Variants in TENM4 observed in about 807,000 individuals in gnomAD.
TENM4 encodes teneurin transmembrane protein 4.
TENM4 carries 82 observed loss-of-function variants against 243.3 expected under a neutral mutation model. The observed-to-expected ratio is 0.34, with a 90% CI of 0.28 to 0.40. The LOEUF (loss-of-function observed/expected upper bound fraction) is 0.40. Among genes scored for constraint, TENM4 ranks in the 10% least tolerant of loss-of-function variants. The probability of loss-of-function intolerance (pLI) is 1.00; values close to 1 mark genes in which losing one functional copy is unlikely to be tolerated. For synonymous variants in TENM4, 1,412 were observed against 1,456.3 expected (o/e 0.97, Z 0.69); for missense variants, 3,138 against 3,673.3 (o/e 0.85, Z 3.77).
chr11:78,980,989 G>T (rs1019793935), intron 6 of TENM4, among the ~76,000 whole-genome samples: 4 of 152,160 alleles, frequency 2.6e-5, no homozygotes, highest in African/African-American at 9.7e-5. Flanking sequence ...GTAGAAGCTG[G>T]ATTGGAACCT....
At chr11:79,240,151 G>A (rs1864562739) in intron 2 of TENM4, among the ~76,000 whole-genome samples, 2 of 152,034 alleles carry the variant, frequency 1.3e-5, no homozygotes, top group Non-Finnish European at 2.9e-5. Flanking sequence ...TAGTTTCCTT[G>A]TCCCTCAGGA....
chr11:79,379,218 G>A (rs1032088441), intron 1 of TENM4, among the ~76,000 whole-genome samples: 2 of 152,226 alleles, frequency 1.3e-5, no homozygotes, highest in Non-Finnish European at 2.9e-5. Flanking sequence ...AGAGGTCAGA[G>A]TGCCTGGAGC....
chr11:78,696,695 T>C (rs139608256), intron 28 of TENM4, among the ~76,000 whole-genome samples: 9 of 152,328 alleles, frequency 5.9e-5, no homozygotes, highest in African/African-American at 2.2e-4. Flanking sequence ...AGTTCAGCCC[T>C]TGGGTCCTCC....
chr11:79,054,508 T>TC (rs1859890070), intron 6 of TENM4, among the ~76,000 whole-genome samples: 1 of 152,064 alleles, frequency 6.6e-6, no homozygotes, highest in African/African-American at 2.4e-5. Flanking sequence ...CCATCTTTTT[T>TC]TTTTTTTTGA....
intron 21 of TENM4, among the ~76,000 whole-genome samples, chr11:78,730,208 T>C (rs1356608993): frequency 3.3e-5 from 5 of 152,202 alleles, no homozygotes; most frequent in Non-Finnish European, 4.4e-5. Flanking sequence ...GCAGTGCTGC[T>C]GCTGCTGGTG....
intron 6 of TENM4, among the ~76,000 whole-genome samples, chr11:78,963,611 C>T (rs375003026): frequency 2.6e-5 from 4 of 152,070 alleles, no homozygotes; most frequent in African/African-American, 9.7e-5. Context: ...GGGGAGGTGG[C>T]ACAGAGAGCG....
chr11:79,175,663 G>C (rs772425828), intron 3 of TENM4, among the ~76,000 whole-genome samples: 3 of 152,000 alleles, frequency 2.0e-5, no homozygotes, highest in Non-Finnish European at 4.4e-5. Context: ...AGAGCTCAAC[G>C]GTATTTATTT....
chr11:79,384,161 T>G (rs1858061921), intron 1 of TENM4, among the ~76,000 whole-genome samples: 1 of 152,202 alleles, frequency 6.6e-6, no homozygotes, highest in African/African-American at 2.4e-5. Flanking sequence ...ACCCAGCTTG[T>G]GGAGGAATGA....
intron 1 of TENM4, among the ~76,000 whole-genome samples, chr11:79,331,976 A>G (rs555025442): frequency 5.3e-5 from 8 of 152,372 alleles, no homozygotes; most frequent in African/African-American, 1.9e-4. Flanking sequence ...CTAATCAGCC[A>G]GAGGAGACAA....
chr11:78,698,492 AT>A (rs895199039), intron 28 of TENM4, among the ~76,000 whole-genome samples: 42 of 148,558 alleles, frequency 2.8e-4, no homozygotes, highest in Non-Finnish European at 4.2e-4. Context: ...AGCCTGGGCA[AT>A]TTTTTTTTTT....
chr11:78,669,641 G>A lies in TENM4; in HGVS notation c.6704C>T (p.Thr2235Ile). The A allele has an allele frequency of 6.2e-7, 1 of 1,614,022 alleles. No individual in the cohort carries two copies. Among genetic ancestry groups the A allele is most frequent in the South Asian group, 1.1e-5 (1 of 91,082 alleles). Reference sequence around the variant, plus strand: ...GTCGCGGATGTCATACCGTAGTGGTGTGAGCCGTGCACTGTTCCCAGGGCT... The same window carrying A: ...GTCGCGGATGTCATACCGTAGTGGTATGAGCCGTGCACTGTTCCCAGGGCT... ...LLSPGNSARL[T>I]PLRYDIRDRI... Residue 2235 changes from threonine to isoleucine, a missense_variant, in exon 32 of 34, where the codon ACA becomes ATA. Thr to Ile is a moderately conservative substitution (Grantham distance 89). Transcript: ENST00000278550. The surrounding 1 kb of genome is among the most constrained non-coding windows in gnomAD (Gnocchi z 6.4).
At chr11:79,111,543 TCAACAA>T (rs542498523) in intron 4 of TENM4, among the ~76,000 whole-genome samples, 1 of 151,870 alleles carries the variant, frequency 6.6e-6, no homozygotes, top group African/African-American at 2.4e-5. Flanking sequence ...AGACTCTGTC[TCAACAA>T]CAACAACAAC....
intron 4 of TENM4, among the ~76,000 whole-genome samples, chr11:79,103,522 T>C (rs1316413340): frequency 6.6e-6 from 1 of 152,140 alleles, no homozygotes. Context: ...CCAAGGTCCG[T>C]CCTCTTAGCA....
chr11:79,012,599 G>A (rs1858674561), intron 6 of TENM4, among the ~76,000 whole-genome samples: 1 of 152,136 alleles, frequency 6.6e-6, no homozygotes, highest in African/African-American at 2.4e-5. Context: ...AAATGATAAA[G>A]TTTTCTGAAA....
chr11:79,037,772 G>C (rs1279384598), intron 6 of TENM4, among the ~76,000 whole-genome samples: 1 of 152,092 alleles, frequency 6.6e-6, no homozygotes, highest in Non-Finnish European at 1.5e-5. Context: ...AAATCCATCA[G>C]GATATCCATA....
chr11:79,187,509 G>A (rs773555552), intron 3 of TENM4, among the ~76,000 whole-genome samples: 6 of 152,154 alleles, frequency 3.9e-5, no homozygotes, highest in Non-Finnish European at 7.3e-5. Flanking sequence ...TCAATGGATA[G>A]GCTTTATTCT....
intron 14 of TENM4, among the ~76,000 whole-genome samples, chr11:78,810,925 G>A (rs1443433390): frequency 4.6e-5 from 7 of 152,182 alleles, no homozygotes; most frequent in South Asian, 2.1e-4. Flanking sequence ...AGCATCATCC[G>A]TCAGTTTCAA....
At chr11:78,663,760 A>G (rs1337983361) in intron 32 of TENM4, among the ~76,000 whole-genome samples, 5 of 152,208 alleles carry the variant, frequency 3.3e-5, no homozygotes, top group African/African-American at 1.2e-4. Context: ...AGACATAGGT[A>G]GGTTTAGGCA....
chr11:78,859,623 T>C (rs977342380), intron 10 of TENM4, among the ~76,000 whole-genome samples: 2 of 152,278 alleles, frequency 1.3e-5, no homozygotes, highest in African/African-American at 4.8e-5. Context: ...AGATTCTAAA[T>C]TCCTAATCAA....
Sources: allele counts gnomAD v4.1 joint callset (sites outside exome capture counted in the v4.1 genomes callset), GRCh38; gene constraint gnomAD v4.1.1; non-coding constraint Gnocchi (gnomAD v3.1); transcripts MANE v1.5; gene names NCBI Gene and HGNC (gene_info 2026-07-23, HGNC 2026-07-21).